SCAPER: variants seen among roughly 807,000 people sequenced by gnomAD.
SCAPER encodes S phase cyclin A-associated protein in the endoplasmic reticulum.
A neutral mutation model predicts 182.2 loss-of-function variants in SCAPER; 98 were observed. That is an observed-to-expected ratio of 0.54 (90% CI 0.46 to 0.64). SCAPER has a LOEUF of 0.64. Among genes scored for constraint, SCAPER ranks in the 30% least tolerant of loss-of-function variants. The pLI is 0.00. For missense variants in SCAPER, 1,432 were observed against 1,690.0 expected, an observed-to-expected ratio of 0.85 and a Z score of 2.68; for synonymous variants, 605 against 564.6, an observed-to-expected ratio of 1.07 and a Z score of -1.01.
chr15:76,455,283 CA>C (rs527961836), intron 25 of SCAPER, among the ~76,000 whole-genome samples: 123 of 152,250 alleles, frequency 8.1e-4, no homozygotes, highest in Admixed American at 7.8e-3. Context: ...GTTTTGATTT[CA>C]CTATTTTTCC....
chr15:76,801,853 G>A (rs375867515), intron 6 of SCAPER, among the ~76,000 whole-genome samples: 1 of 150,612 alleles, frequency 6.6e-6, no homozygotes, highest in Non-Finnish European at 1.5e-5. Context: ...AGGTTGCAGC[G>A]AGCCAAGATG....
At chr15:76,567,605 A>C (rs569210805) in intron 23 of SCAPER, among the ~76,000 whole-genome samples, 1 of 152,234 alleles carries the variant, frequency 6.6e-6, no homozygotes, top group East Asian at 1.9e-4. Flanking sequence ...TGAATTTTTA[A>C]TTTGAATTGT....
chr15:76,830,821 C>G (rs2068403978), intron 5 of SCAPER, among the ~76,000 whole-genome samples: 1 of 151,666 alleles, frequency 6.6e-6, no homozygotes, highest in Admixed American at 6.6e-5. Flanking sequence ...CTGGCACACT[C>G]CAAGCAGATC....
chr15:76,465,980 T>G (rs1390133963), intron 25 of SCAPER, among the ~76,000 whole-genome samples: 2 of 152,118 alleles, frequency 1.3e-5, no homozygotes, highest in Non-Finnish European at 2.9e-5. Flanking sequence ...CAAGTCACTT[T>G]TTTCTTGTTT....
chr15:76,715,023 C>T (rs2059813272), intron 17 of SCAPER, among the ~76,000 whole-genome samples: 1 of 152,146 alleles, frequency 6.6e-6, no homozygotes, highest in East Asian at 1.9e-4. Flanking sequence ...TGAACTGCTG[C>T]TATACCCTAC....
chr15:76,634,228 G>C (rs2053402855), intron 21 of SCAPER, among the ~76,000 whole-genome samples: 1 of 152,204 alleles, frequency 6.6e-6, no homozygotes, highest in South Asian at 2.1e-4. Flanking sequence ...CCTGGGGGAG[G>C]GAGCTCCCTT....
Position 76,702,929 on chromosome 15 carries a change from C to G in SCAPER, c.2321G>C (p.Gly774Ala), listed in dbSNP as rs1160766763. The G allele has an allele frequency of 6.2e-7, 1 of 1,610,886 alleles. No homozygotes were observed. The highest frequency in any genetic ancestry group is 1.3e-5 in the African/African-American group (1 of 74,680). ...RKEKAAELSS[G>A]RHANTDYAPK... ...GGCATAATCAGTATTTGCATGTCGC[C>G]CACTGCTTAGCTCAGCAGCTTTTTC... is the stretch of plus-strand genomic sequence containing the variant. Residue 774 changes from glycine to alanine, a missense_variant, in exon 19 of 32, where the codon GGG becomes GCG. Around this residue, in one of 5 missense-constraint regions of SCAPER, gnomAD observed 718 missense variants for 799.7 expected, o/e 0.90. Coordinates refer to ENST00000563290, the MANE Select transcript of SCAPER (RefSeq NM_020843.4).
intron 15 of SCAPER, among the ~76,000 whole-genome samples, chr15:76,753,381 T>C (rs1326496290): frequency 6.6e-6 from 1 of 151,838 alleles, no homozygotes; most frequent in Non-Finnish European, 1.5e-5. Flanking sequence ...ATAGATACTG[T>C]ATGATTCCAT....
chr15:76,786,317 ACT>A (rs1186256815), intron 8 of SCAPER, among the ~76,000 whole-genome samples: 1 of 107,644 alleles, frequency 9.3e-6, no homozygotes, highest in Non-Finnish European at 1.9e-5. Context: ...ACAGGGCAAG[ACT>A]CTGTCTCAAA....
chr15:76,763,319 T>G (rs2062908799), intron 14 of SCAPER, among the ~76,000 whole-genome samples: 1 of 131,186 alleles, frequency 7.6e-6, no homozygotes, highest in African/African-American at 3.0e-5. Flanking sequence ...AGATTCATGT[T>G]GAGAAATTCA....
chr15:76,615,203 G>A (rs973636739), intron 22 of SCAPER, among the ~76,000 whole-genome samples: 1 of 152,038 alleles, frequency 6.6e-6, no homozygotes, highest in Non-Finnish European at 1.5e-5. Context: ...TAGCACTTTG[G>A]GAGGCTGAGG....
chr15:76,486,442 G>T (rs1159821240), intron 24 of SCAPER, among the ~76,000 whole-genome samples: 1 of 151,862 alleles, frequency 6.6e-6, no homozygotes, highest in African/African-American at 2.4e-5. Flanking sequence ...CAGAATGGGA[G>T]AAAATTTTTG....
At chr15:76,555,166 T>C (rs945585024) in intron 23 of SCAPER, among the ~76,000 whole-genome samples, 4 of 152,120 alleles carry the variant, frequency 2.6e-5, no homozygotes, top group African/African-American at 9.7e-5. Context: ...AGAAATAACA[T>C]CCTTTTCATA....
chr15:76,698,424 C>T (rs1018108210), intron 20 of SCAPER, among the ~76,000 whole-genome samples: 50 of 152,162 alleles, frequency 3.3e-4, no homozygotes, highest in Admixed American at 2.9e-3. Flanking sequence ...CTGGCTTGTA[C>T]TGGACTAATC....
intron 5 of SCAPER, among the ~76,000 whole-genome samples, chr15:76,821,533 G>A (rs1181233228): frequency 6.6e-6 from 1 of 151,878 alleles, no homozygotes; most frequent in Non-Finnish European, 1.5e-5. Flanking sequence ...GAGGTTGGGG[G>A]GGATCACTTG....
At chr15:76,858,877 T>C (rs1238708090) in intron 3 of SCAPER, among the ~76,000 whole-genome samples, 2 of 152,228 alleles carry the variant, frequency 1.3e-5, no homozygotes, top group Admixed American at 1.3e-4. Flanking sequence ...CTACCATTGA[T>C]GGCCATTTAG....
At chr15:76,676,053 G>A (rs750345579) in intron 20 of SCAPER, among the ~76,000 whole-genome samples, 1 of 152,184 alleles carries the variant, frequency 6.6e-6, no homozygotes, top group Non-Finnish European at 1.5e-5. Context: ...TCGAACTCCT[G>A]ACCTCAGGTG....
chr15:76,627,477 T>C lies in SCAPER; in HGVS notation c.2646-5648A>G, dbSNP rs931887683. On this transcript the variant is annotated intron_variant, in intron 21 of 31. Coordinates refer to ENST00000563290, the MANE Select transcript of SCAPER (RefSeq NM_020843.4). ...CCCCCTGACAGGCCCCATTGTGTGT[T>C]GTTCCCCTCCCTGTGTCCATGTGTT... Among the ~76,000 whole-genome samples the C allele has an allele frequency of 9.9e-5, 15 of 152,270 alleles. No homozygotes were observed. The East Asian group carries it at 2.1e-3, about 22-fold the overall frequency.
chr15:76,614,398 T>TA (rs1388757676), intron 22 of SCAPER, among the ~76,000 whole-genome samples: 1 of 151,966 alleles, frequency 6.6e-6, no homozygotes, highest in South Asian at 2.1e-4. Context: ...ACTTAAAAGT[T>TA]AAAAAACAAA....
Sources: gnomAD v4.1 joint callset for allele counts (sites outside exome capture counted in the v4.1 genomes callset) on GRCh38, gnomAD v4.1.1 for gene constraint, gnomAD v4.1.1 regional missense constraint, MANE v1.5 for transcripts, NCBI Gene and HGNC (gene_info 2026-07-23, HGNC 2026-07-21) for gene names.